Variants in ARHGEF28 observed in about 807,000 individuals in gnomAD.
ARHGEF28 encodes 190 kDa guanine nucleotide exchange factor.
A neutral mutation model predicts 206.6 loss-of-function variants in ARHGEF28; 152 were observed. That is an observed-to-expected ratio of 0.74 (90% CI 0.64 to 0.84). The LOEUF is 0.84. Among genes scored for constraint, ARHGEF28 ranks in the 40% least tolerant of loss-of-function variants. The probability of loss-of-function intolerance (pLI) is 0.00; values close to 1 mark genes in which losing one functional copy is unlikely to be tolerated. For missense variants in ARHGEF28, 2,028 were observed against 2,073.2 expected (o/e 0.98, Z 0.42); for synonymous variants, 763 against 776.4 (o/e 0.98, Z 0.29).
chr5:73,909,576 G>A lies in ARHGEF28; in HGVS notation c.4326G>A (p.Gln1442=). Residue 1442 remains glutamine (Q), a synonymous_variant, in exon 34 of 36, where the codon CAG becomes CAA. Coordinates refer to ENST00000513042, the MANE Select transcript of ARHGEF28 (RefSeq NM_001177693.2). ...ATGAGGAGCTGGCCAATGTGCACCA[G>A]CTTCAGCACCAGCTCCAGCAGGAGC... ...RQHEELANVH[Q]LQHQLQQEQR... 1 of 1,565,408 alleles carries A rather than the reference G, an allele frequency of 6.4e-7. No homozygotes were observed. The highest frequency in any genetic ancestry group is 8.7e-7 in the Non-Finnish European group (1 of 1,155,274).
At chr5:73,702,272 A>G (rs1748649381) in intron 2 of ARHGEF28, among the ~76,000 whole-genome samples, 1 of 152,132 alleles carries the variant, frequency 6.6e-6, no homozygotes, top group Non-Finnish European at 1.5e-5. Flanking sequence ...TTCTGGTAAA[A>G]TATAACATAT....
At chr5:73,783,347 TG>T (rs1382180181) in intron 7 of ARHGEF28, among the ~76,000 whole-genome samples, 11 of 68,564 alleles carry the variant, frequency 1.6e-4, no homozygotes, top group Non-Finnish European at 2.2e-4. Context: ...TGGAATATAG[TG>T]TGTGTGTGTG....
At chr5:73,816,642 C>T (rs532514731) in intron 9 of ARHGEF28, among the ~76,000 whole-genome samples, 7 of 152,332 alleles carry the variant, frequency 4.6e-5, no homozygotes, top group East Asian at 3.9e-4. Flanking sequence ...AGCAGAAACT[C>T]GCTAATACCA....
intron 11 of ARHGEF28, among the ~76,000 whole-genome samples, chr5:73,842,187 T>G (rs1758029720): frequency 6.6e-6 from 1 of 152,226 alleles, no homozygotes; most frequent in Non-Finnish European, 1.5e-5. Flanking sequence ...TAGCTTTTTT[T>G]TCCCCCATAT....
intron 4 of ARHGEF28, among the ~76,000 whole-genome samples, chr5:73,771,500 A>G (rs1753218041): frequency 6.6e-6 from 1 of 151,720 alleles, no homozygotes; most frequent in African/African-American, 2.4e-5. Flanking sequence ...GTGAGCCAAG[A>G]TTGCACCACC....
intron 35 of ARHGEF28, chr5:73,923,263 G>A: frequency 1.8e-6 from 2 of 1,086,576 alleles, no homozygotes; most frequent in Non-Finnish European, 2.6e-6. Flanking sequence ...TGCTAAACAA[G>A]CAGTCTGAGA....
chr5:73,921,569 A>G (rs1398963244), intron 35 of ARHGEF28, among the ~76,000 whole-genome samples: 1 of 152,204 alleles, frequency 6.6e-6, no homozygotes, highest in Non-Finnish European at 1.5e-5. Context: ...GTTATGCAGG[A>G]TAGGTTTCTG....
chr5:73,699,692 C>A (rs1748475853), intron 2 of ARHGEF28, among the ~76,000 whole-genome samples: 1 of 152,148 alleles, frequency 6.6e-6, no homozygotes, highest in South Asian at 2.1e-4. Context: ...TCTAATATAA[C>A]TATCGTTTAG....
chr5:73,832,415 A>G lies in ARHGEF28; in HGVS notation c.1102A>G (p.Asn368Asp). The G allele has an allele frequency of 6.2e-7, 1 of 1,612,682 alleles. No homozygotes were observed. The highest frequency in any genetic ancestry group is 8.5e-7 in the Non-Finnish European group (1 of 1,179,390). Residue 368 changes from asparagine to aspartate, a missense_variant, in exon 10 of 36, where the codon AAT becomes GAT. Around this residue, in one of 3 missense-constraint regions of ARHGEF28, gnomAD observed 1,002 missense variants for 1,015.3 expected, o/e 0.99. Transcript: ENST00000513042. ...TGCAGGCCGGCTTTCAGACATGCTG[A>G]ATGGAGGTGATGAAGTCTACGCTAA... ...LAAGRLSDML[N>D]GGDEVYANCM...
At chr5:73,717,235 A>G (rs1313782082) in intron 2 of ARHGEF28, among the ~76,000 whole-genome samples, 1 of 152,112 alleles carries the variant, frequency 6.6e-6, no homozygotes, top group Admixed American at 6.5e-5. Context: ...ATTATTTAGT[A>G]TGCTGGCTTT....
intron 4 of ARHGEF28, among the ~76,000 whole-genome samples, chr5:73,762,498 AT>A (rs1045577517): frequency 6.6e-6 from 1 of 150,488 alleles, no homozygotes. Context: ...AACAAAATCT[AT>A]TTTGAGCTTT....
At chr5:73,758,431 T>G (rs10515162) in intron 4 of ARHGEF28, among the ~76,000 whole-genome samples, 7,046 of 152,328 alleles carry the variant, frequency 0.046, 246 homozygotes, top group Non-Finnish European at 0.072. Flanking sequence ...CTTCCAGTTG[T>G]CTAGGTAAAA....
chr5:73,847,068 T>C (rs1030192434), intron 12 of ARHGEF28, among the ~76,000 whole-genome samples: 1 of 152,202 alleles, frequency 6.6e-6, no homozygotes, highest in African/African-American at 2.4e-5. Context: ...AAAAACTAAA[T>C]ACATTGCTCT....
At chr5:73,797,103 C>T (rs1754867048) in intron 9 of ARHGEF28, among the ~76,000 whole-genome samples, 1 of 152,174 alleles carries the variant, frequency 6.6e-6, no homozygotes, top group South Asian at 2.1e-4. Context: ...TCAGTAACAT[C>T]ATTAAGTCTG....
chr5:73,817,963 G>C (rs560390621), intron 9 of ARHGEF28, among the ~76,000 whole-genome samples: 3 of 152,134 alleles, frequency 2.0e-5, no homozygotes, highest in Admixed American at 2.0e-4. Context: ...AGGGTTGTTT[G>C]TGCATCTTGA....
At chr5:73,680,803 C>T (rs1287590066) in intron 1 of ARHGEF28, among the ~76,000 whole-genome samples, 2 of 152,148 alleles carry the variant, frequency 1.3e-5, no homozygotes, top group Non-Finnish European at 1.5e-5. Context: ...TAAATTTGCT[C>T]TAATAGACTT....
chr5:73,696,843 C>CT (rs1748246733), intron 2 of ARHGEF28, among the ~76,000 whole-genome samples: 1 of 152,152 alleles, frequency 6.6e-6, no homozygotes, highest in Admixed American at 6.5e-5. Context: ...TCCTGGAGCA[C>CT]TCTTTAATTT....
intron 11 of ARHGEF28, among the ~76,000 whole-genome samples, chr5:73,843,951 T>G (rs1042408227): frequency 6.6e-6 from 1 of 152,186 alleles, no homozygotes; most frequent in Non-Finnish European, 1.5e-5. Context: ...ATAAAATGAT[T>G]TGTGCAACAT....
At chr5:73,852,070 CCAAG>C (rs897745815) in intron 13 of ARHGEF28, among the ~76,000 whole-genome samples, 3 of 152,124 alleles carry the variant, frequency 2.0e-5, no homozygotes, top group African/African-American at 7.2e-5. Flanking sequence ...CAAGATGGCT[CCAAG>C]CTGCTTGCAT....
Sources: allele counts gnomAD v4.1 joint callset (sites outside exome capture counted in the v4.1 genomes callset), GRCh38; gene constraint gnomAD v4.1.1; regional missense constraint gnomAD v4.1.1; transcripts MANE v1.5; gene names NCBI Gene and HGNC (gene_info 2026-07-23, HGNC 2026-07-21).